Variants in RGS22 observed in about 807,000 individuals in gnomAD.
The protein encoded by RGS22 is regulator of G protein signaling 22.
Under a neutral mutation model 172.9 loss-of-function variants are expected in RGS22, and 148 were observed. The observed-to-expected ratio is 0.86, with a 90% CI of 0.75 to 0.98. RGS22 has a LOEUF of 0.98. RGS22 is among the 50% of genes least tolerant of loss of function. RGS22 has a pLI of 0.00. For missense variants in RGS22, 1,347 were observed against 1,440.8 expected (o/e 0.93, Z 1.05); for synonymous variants, 458 against 480.2 (o/e 0.95, Z 0.60).
chr8:99,987,536 T>C lies in RGS22; in HGVS notation c.3102A>G (p.Gln1034=), dbSNP rs374356639. ...KALLNPVTSR[Q]FQRFVALKGD... is the part of the protein sequence containing the mutation. ...CTTTTAGAGCCACAAAACGTTGAAATTGTCTTGAAGTAACTGGATTCAATA... is the reference window on the plus strand; with the variant it reads ...CTTTTAGAGCCACAAAACGTTGAAACTGTCTTGAAGTAACTGGATTCAATA... Residue 1034 remains glutamine (Q), a synonymous_variant, in exon 21 of 28, where the codon CAA becomes CAG. Transcript: ENST00000360863. 2.5e-6 allele frequency: 4 copies of C among 1,611,934 alleles called. No individual in the cohort carries two copies. Among genetic ancestry groups the C allele is most frequent in the African/African-American group, 2.7e-5 (2 of 74,864 alleles).
chr8:100,044,949 G>A (rs912381795), intron 11 of RGS22, among the ~76,000 whole-genome samples: 5 of 152,092 alleles, frequency 3.3e-5, no homozygotes, highest in African/African-American at 9.6e-5. Flanking sequence ...CAAAAAATTC[G>A]GATGTAGAGA....
At chr8:100,016,235 A>T (rs1816930751) in intron 14 of RGS22, among the ~76,000 whole-genome samples, 1 of 152,214 alleles carries the variant, frequency 6.6e-6, no homozygotes, top group South Asian at 2.1e-4. Context: ...TCAAACCAAG[A>T]ATATACAATT....
In RGS22 at chr8:99,987,506, A is replaced by C. The variant is rs980175532; in HGVS notation, c.3132T>G (p.Asp1044Glu). The C allele has an allele frequency of 6.2e-7, 1 of 1,611,544 alleles. No individual in the cohort carries two copies. Among genetic ancestry groups the C allele is most frequent in the Non-Finnish European group, 8.5e-7 (1 of 1,178,682 alleles). ...AAAAGAGTAAACCATTTTCCAATAA[A>C]TCTCCTTTTAGAGCCACAAAACGTT... ...QFQRFVALKG[D>E]LLENGLLFWQ... The change falls in exon 21 of 28, where the codon GAT becomes GAG. Residue 1044 changes from aspartate (D) to glutamate (E), a missense_variant. Coordinates refer to ENST00000360863, the MANE Select transcript of RGS22 (RefSeq NM_015668.5).
At chr8:100,040,120 C>G (rs947847799) in intron 12 of RGS22, 33 bp from the exon 13 acceptor site, 6 of 1,585,074 alleles carry the variant, frequency 3.8e-6, no homozygotes, top group Non-Finnish European at 5.1e-6. Context: ...ATTATCCACC[C>G]AAAAACATTG....
chr8:100,066,137 C>A, intron 7 of RGS22, 30 bp downstream of exon 7: 1 of 1,601,848 alleles, frequency 6.2e-7, no homozygotes. Flanking sequence ...AAGAGAAGTT[C>A]TGAAGTCATT....
intron 20 of RGS22, among the ~76,000 whole-genome samples, chr8:99,994,834 C>T (rs1286421454): frequency 6.6e-6 from 1 of 152,162 alleles, no homozygotes; most frequent in Non-Finnish European, 1.5e-5. Flanking sequence ...AAGAACAAAG[C>T]TGGAGGCATC....
At chr8:99,964,083 CTTTT>C (rs1810477479) in intron 24 of RGS22, among the ~76,000 whole-genome samples, 1 of 148,028 alleles carries the variant, frequency 6.8e-6, no homozygotes, top group Admixed American at 6.7e-5. Flanking sequence ...CTCTCTCTCT[CTTTT>C]TAACCGATAA....
At chr8:100,086,771 T>C (rs1260323990) in intron 3 of RGS22, among the ~76,000 whole-genome samples, 2 of 152,072 alleles carry the variant, frequency 1.3e-5, no homozygotes, top group Non-Finnish European at 2.9e-5. Context: ...ACAAAATCTC[T>C]GGGGAAGGAG....
intron 14 of RGS22, chr8:100,024,098 C>G (rs1252267988): frequency 6.6e-6 from 1 of 152,282 alleles, no homozygotes; most frequent in Non-Finnish European, 1.5e-5. Flanking sequence ...CGCTGAGTAG[C>G]TGGGATTATA....
intron 2 of RGS22, among the ~76,000 whole-genome samples, chr8:100,100,558 G>A (rs1813392831): frequency 2.0e-5 from 3 of 152,148 alleles, no homozygotes; most frequent in Non-Finnish European, 4.4e-5. Flanking sequence ...CCAAAGTGCT[G>A]GGGTTACAGG....
intron 6 of RGS22, 106 bp from the exon 7 acceptor site, chr8:100,066,402 T>G (rs986689601): frequency 7.2e-6 from 6 of 830,400 alleles, no homozygotes; most frequent in Non-Finnish European, 1.1e-5. Flanking sequence ...CAGTACAATA[T>G]GTAAAGTGAA....
intron 12 of RGS22, among the ~76,000 whole-genome samples, chr8:100,040,931 A>G (rs1164155373): frequency 6.6e-6 from 1 of 152,154 alleles, no homozygotes; most frequent in Non-Finnish European, 1.5e-5. Context: ...TGTTTTTACT[A>G]TGTTTAACTA....
intron 2 of RGS22, among the ~76,000 whole-genome samples, chr8:100,100,653 A>T (rs147971740): frequency 1.2e-4 from 18 of 152,304 alleles, no homozygotes; most frequent in African/African-American, 4.3e-4. Flanking sequence ...ATGGATATGG[A>T]GAGTCAACTA....
chr8:99,975,453 G>C (rs1395008071), intron 23 of RGS22, among the ~76,000 whole-genome samples: 1 of 151,858 alleles, frequency 6.6e-6, no homozygotes, highest in Admixed American at 6.6e-5. Flanking sequence ...AGCTGGCTAG[G>C]GTTATGCTAT....
chr8:100,014,488 C>A (rs1046594517), intron 14 of RGS22, among the ~76,000 whole-genome samples: 4 of 152,108 alleles, frequency 2.6e-5, no homozygotes, highest in Admixed American at 2.6e-4. Flanking sequence ...CACTAAAAAC[C>A]ACATAATCGC....
At chr8:100,001,217 T>TATATAC (rs1554611177) in intron 18 of RGS22, among the ~76,000 whole-genome samples, 1 of 124,398 alleles carries the variant, frequency 8.0e-6, no homozygotes, top group African/African-American at 2.9e-5. Flanking sequence ...TATATATATA[T>TATATAC]ATACATATAT....
At chr8:100,022,379 G>A (rs900852060) in intron 14 of RGS22, among the ~76,000 whole-genome samples, 5 of 152,298 alleles carry the variant, frequency 3.3e-5, no homozygotes, top group South Asian at 4.1e-4. Context: ...ATTTGGGACA[G>A]AGTAAAAAAT....
chr8:100,096,663 TAA>T (rs545113362), intron 2 of RGS22, among the ~76,000 whole-genome samples: 1,891 of 135,320 alleles, frequency 0.014, 22 homozygotes, highest in Middle Eastern at 0.031. Flanking sequence ...TTAGCTAATT[TAA>T]AAAAAATTTT....
chr8:100,047,443 A>C lies in RGS22; in HGVS notation c.1823+20T>G, dbSNP rs766719797. 3.9e-5 allele frequency: 61 copies of C among 1,573,982 alleles called. No homozygotes were observed. The highest frequency in any genetic ancestry group is 5.1e-5 in the Non-Finnish European group (60 of 1,166,488). ...TTAGTATTGCAGAAAAGCACTTAAC[A>C]CACAAAAAGTTGCACCTACCCTTTC... On this transcript the variant is annotated intron_variant, in intron 11 of 27. Transcript: ENST00000360863.
Sources: gnomAD v4.1 joint callset for allele counts (sites outside exome capture counted in the v4.1 genomes callset) on GRCh38, gnomAD v4.1.1 for gene constraint, MANE v1.5 for transcripts, NCBI Gene and HGNC (gene_info 2026-07-23, HGNC 2026-07-21) for gene names.